ACSL5: variants seen among roughly 807,000 people sequenced by gnomAD.
ACSL5 encodes the protein acyl-CoA synthetase long chain family member 5.
In ACSL5, 50 loss-of-function variants were observed where a neutral mutation model predicts 84.9. The observed-to-expected ratio is 0.59, with a 90% CI of 0.47 to 0.75. ACSL5 has a LOEUF of 0.75. Ranked by LOEUF, ACSL5 falls within the 30% of genes least tolerant of loss-of-function variation. ACSL5 has a pLI of 0.00. For missense variants in ACSL5, 775 were observed against 830.4 expected, an observed-to-expected ratio of 0.93 and a Z score of 0.82; for synonymous variants, 280 against 300.7, an observed-to-expected ratio of 0.93 and a Z score of 0.71.
intron 7 of ACSL5, chr10:112,410,016 C>A: frequency 3.6e-6 from 1 of 277,236 alleles, no homozygotes; most frequent in Non-Finnish European, 5.5e-6. Context: ...CAACCTTGGG[C>A]AATCTCATCT....
intron 1 of ACSL5, among the ~76,000 whole-genome samples, 196 bp downstream of exon 1, chr10:112,374,465 G>T (rs1414551190): frequency 5.9e-5 from 9 of 152,254 alleles, no homozygotes; most frequent in Middle Eastern, 3.4e-3. Context: ...TTGGAAAAGG[G>T]GTGGAGATAT....
chr10:112,408,389 C>T, intron 5 of ACSL5, 33 bp from the exon 6 acceptor site: 1 of 1,380,358 alleles, frequency 7.2e-7, no homozygotes, highest in Non-Finnish European at 1.0e-6. Flanking sequence ...TCAGTGTGCC[C>T]TCCAGTCCTT....
chr10:112,401,800 C>A (rs1940516730), intron 3 of ACSL5, among the ~76,000 whole-genome samples: 3 of 69,508 alleles, frequency 4.3e-5, no homozygotes, highest in African/African-American at 1.4e-4. Flanking sequence ...TTCTTTCTTT[C>A]TTTCTTTCTT....
chr10:112,421,603 C>A lies in ACSL5; in HGVS notation c.1325C>A (p.Ala442Asp). Residue 442 changes from alanine (A) to aspartate (D), a missense_variant, in exon 15 of 21, where the codon GCT becomes GAT. Transcript: ENST00000354655. ...TCTTTGGTTTCCCAGGTGTATGAAG[C>A]TTATGGTCAAACAGAATGCACAGGT... is the stretch of plus-strand genomic sequence containing the variant. ...RAAMGCQVYE[A>D]YGQTECTGGC... 1 of 1,614,082 alleles carries A rather than the reference C, an allele frequency of 6.2e-7. No individual in the cohort carries two copies. The highest frequency in any genetic ancestry group is 2.2e-5 in the East Asian group (1 of 44,888).
intron 12 of ACSL5, among the ~76,000 whole-genome samples, chr10:112,413,523 C>T (rs1326759654): frequency 3.3e-5 from 5 of 152,096 alleles, no homozygotes; most frequent in African/African-American, 4.8e-5. Context: ...GTCAGGAGTT[C>T]GAGACCAACC....
chr10:112,383,145 T>C lies in ACSL5; in HGVS notation c.-30+8876T>C, dbSNP rs192638126. ...CAAAAAACAAAAAACAAAAGCCGAG[T>C]GTGGTTGTGCACACCTGTAGTCTCA... On this transcript the variant is annotated intron_variant, in intron 1 of 20. Transcript: ENST00000354655. Among the ~76,000 whole-genome samples the C allele has an allele frequency of 6.6e-5, 10 of 152,178 alleles. No homozygotes were observed. The East Asian group carries it at 1.9e-3, about 29-fold the overall frequency.
At chr10:112,385,431 T>C (rs976606930) in intron 1 of ACSL5, among the ~76,000 whole-genome samples, 4 of 152,224 alleles carry the variant, frequency 2.6e-5, no homozygotes, top group Admixed American at 6.5e-5. Flanking sequence ...CATTTTATGA[T>C]GTGTAGAGGG....
At chr10:112,395,997 C>G (rs1843740302) in intron 2 of ACSL5, 1 of 152,348 alleles carries the variant, frequency 6.6e-6, no homozygotes. Context: ...TTTCCTTTCC[C>G]ACCAGAGTTC....
intron 1 of ACSL5, among the ~76,000 whole-genome samples, chr10:112,389,621 A>C (rs1195532261): frequency 1.3e-5 from 2 of 152,150 alleles, no homozygotes; most frequent in Non-Finnish European, 2.9e-5. Context: ...AGTCACGCCC[A>C]CTGCTTACAG....
At chr10:112,406,864 A>G (rs1844051175) in intron 5 of ACSL5, among the ~76,000 whole-genome samples, 3 of 152,134 alleles carry the variant, frequency 2.0e-5, no homozygotes, top group African/African-American at 2.4e-5. Context: ...ATGAGAACTC[A>G]CTCACTGTCA....
Position 112,421,451 on chromosome 10 carries a change from G to A in ACSL5, c.1315-142G>A, listed in dbSNP as rs181987053. On this transcript the variant is annotated intron_variant, in intron 14 of 20. Coordinates refer to ENST00000354655, the MANE Select transcript of ACSL5 (RefSeq NM_203379.2). ...GCTGGGATTACAGGCATGAGCCACCGCCCCCTCCAAGTTCAAGGTTTTAAG... is the reference window on the plus strand; with the variant it reads ...GCTGGGATTACAGGCATGAGCCACCACCCCCTCCAAGTTCAAGGTTTTAAG... 1.2e-3 allele frequency: 806 copies of A among 685,436 alleles called. 1 individual carries two copies. The highest frequency in any genetic ancestry group is 1.7e-3 in the Non-Finnish European group (673 of 388,930). 42.5% of individuals were successfully genotyped at this position (685,436 alleles called of 1,614,324 possible). A position where few individuals can be genotyped will look rare whatever the true frequency, so the allele number is the denominator to read the frequency against.
chr10:112,414,862 G>A (rs1025089365), intron 12 of ACSL5, among the ~76,000 whole-genome samples: 4 of 152,140 alleles, frequency 2.6e-5, no homozygotes, highest in East Asian at 1.9e-4. Flanking sequence ...ATGATTCCTC[G>A]GGCTGGGATC....
At chr10:112,422,829 C>T (rs574025661) in intron 17 of ACSL5, among the ~76,000 whole-genome samples, 2 of 146,982 alleles carry the variant, frequency 1.4e-5, no homozygotes, top group African/African-American at 5.1e-5. Context: ...GCACTCCAGC[C>T]TGGGTGACAG....
intron 17 of ACSL5, chr10:112,424,551 C>T (rs561832859): frequency 1.4e-4 from 22 of 152,336 alleles, no homozygotes; most frequent in African/African-American, 4.8e-4. Flanking sequence ...TATGTCCCCA[C>T]ACCAGGGTTA....
intron 10 of ACSL5, among the ~76,000 whole-genome samples, 154 bp from the exon 11 acceptor site, chr10:112,411,748 T>A (rs956079257): frequency 3.3e-5 from 5 of 152,074 alleles, no homozygotes; most frequent in African/African-American, 1.2e-4. Flanking sequence ...ATTTCTACAC[T>A]ATATGCAGTT....
intron 1 of ACSL5, among the ~76,000 whole-genome samples, chr10:112,381,805 A>T (rs933142616): frequency 3.3e-5 from 5 of 152,176 alleles, no homozygotes; most frequent in Non-Finnish European, 4.4e-5. Context: ...AGTCTCTACC[A>T]AAAATACAAA....
At chr10:112,412,218 G>A (rs1218472682) in intron 11 of ACSL5, 2 of 486,124 alleles carry the variant, frequency 4.1e-6, no homozygotes, top group East Asian at 3.2e-5. Context: ...CTTCATGGGG[G>A]TGTGTGAGTC....
chr10:112,380,962 G>A (rs1346347146), intron 1 of ACSL5, among the ~76,000 whole-genome samples: 1 of 152,044 alleles, frequency 6.6e-6, no homozygotes, highest in Non-Finnish European at 1.5e-5. Flanking sequence ...TAAAGATGGG[G>A]TCCCACTATG....
intron 1 of ACSL5, among the ~76,000 whole-genome samples, chr10:112,391,197 G>A (rs1311176027): frequency 6.6e-6 from 1 of 152,146 alleles, no homozygotes; most frequent in Non-Finnish European, 1.5e-5. Context: ...TGGCCAACAT[G>A]GTGAAACCCT....
Sources: gnomAD v4.1 joint callset for allele counts (sites outside exome capture counted in the v4.1 genomes callset) on GRCh38, gnomAD v4.1.1 for gene constraint, MANE v1.5 for transcripts, NCBI Gene and HGNC (gene_info 2026-07-23, HGNC 2026-07-21) for gene names.